PTPN3: variants seen among roughly 807,000 people sequenced by gnomAD.
PTPN3 encodes the protein tyrosine-protein phosphatase non-receptor type 3.
PTPN3 carries 96 observed loss-of-function variants against 132.7 expected under a neutral mutation model. The ratio of observed to expected loss-of-function variants is 0.72; its 90% CI spans 0.61 to 0.86. The LOEUF (loss-of-function observed/expected upper bound fraction) is 0.86. Among genes scored for constraint, PTPN3 ranks in the 40% least tolerant of loss-of-function variants. The probability of loss-of-function intolerance (pLI) is 0.00; values close to 1 mark genes in which losing one functional copy is unlikely to be tolerated. For synonymous variants in PTPN3, 398 were observed against 429.0 expected, an observed-to-expected ratio of 0.93 and a Z score of 0.89; for missense variants, 1,125 against 1,159.6, an observed-to-expected ratio of 0.97 and a Z score of 0.43.
At chr9:109,467,322 G>A (rs1424557705) in intron 1 of PTPN3, among the ~76,000 whole-genome samples, 2 of 151,832 alleles carry the variant, frequency 1.3e-5, no homozygotes, top group African/African-American at 4.8e-5. Context: ...TTAGTGGGAG[G>A]TGCACATCAG....
At chr9:109,534,165 G>T in the PTPN3 span, 1 of 888,298 alleles carries the variant, frequency 1.1e-6, no homozygotes. Flanking sequence ...CCTTCGTTGC[G>T]ATGACCTTCT....
At chr9:109,453,190 C>G (rs775343905) in intron 5 of PTPN3, among the ~76,000 whole-genome samples, 1 of 152,130 alleles carries the variant, frequency 6.6e-6, no homozygotes, top group Non-Finnish European at 1.5e-5. Flanking sequence ...AATACAGTAA[C>G]AGATTAATAT....
intron 22 of PTPN3, among the ~76,000 whole-genome samples, chr9:109,384,898 GTTAGTAGCCAT>G (rs1446127274): frequency 6.6e-6 from 1 of 152,172 alleles, no homozygotes; most frequent in Non-Finnish European, 1.5e-5. Flanking sequence ...GGTAATTTTG[GTTAGTAGCCAT>G]TCTGTGACTT....
intron 2 of PTPN3, among the ~76,000 whole-genome samples, chr9:109,461,260 G>A (rs943294717): frequency 6.6e-6 from 1 of 152,060 alleles, no homozygotes; most frequent in African/African-American, 2.4e-5. Flanking sequence ...AGACAACTCG[G>A]GGAGCCATTA....
the PTPN3 span, among the ~76,000 whole-genome samples, chr9:109,518,340 G>T: frequency 8.1e-4 from 124 of 152,330 alleles, no homozygotes; most frequent in Non-Finnish European, 1.5e-3. Flanking sequence ...CTCCTGCAGA[G>T]TTCACAGCTT....
At chr9:109,438,928 T>A (rs1316597185) in intron 7 of PTPN3, among the ~76,000 whole-genome samples, 3 of 152,186 alleles carry the variant, frequency 2.0e-5, no homozygotes, top group Non-Finnish European at 2.9e-5. Context: ...ATTCTGGGGC[T>A]ATCAGGGGAA....
chr9:109,431,264 T>C (rs1414975564), intron 10 of PTPN3, among the ~76,000 whole-genome samples: 1 of 152,216 alleles, frequency 6.6e-6, no homozygotes, highest in African/African-American at 2.4e-5. Flanking sequence ...CACTTCTCTC[T>C]CCTGCAGTGA....
chr9:109,416,100 C>A (rs910299275), intron 14 of PTPN3, among the ~76,000 whole-genome samples: 1 of 152,068 alleles, frequency 6.6e-6, no homozygotes, highest in South Asian at 2.1e-4. Flanking sequence ...ATGGTGGTTA[C>A]GAGGGTGATG....
chr9:109,447,960 C>T (rs1844972508), intron 6 of PTPN3, among the ~76,000 whole-genome samples: 1 of 152,130 alleles, frequency 6.6e-6, no homozygotes. Context: ...GGTGTCTTCT[C>T]ACTGCCCAGG....
intron 15 of PTPN3, 36 bp downstream of exon 15, chr9:109,410,193 G>A: frequency 6.2e-7 from 1 of 1,611,756 alleles, no homozygotes; most frequent in Non-Finnish European, 8.5e-7. Flanking sequence ...GGAAGCCCTG[G>A]GTGTGTGGAT....
chr9:109,496,351 CTTGA>C (rs1847667765), intron 1 of PTPN3, among the ~76,000 whole-genome samples: 1 of 152,220 alleles, frequency 6.6e-6, no homozygotes, highest in Non-Finnish European at 1.5e-5. Context: ...TACTTCACAT[CTTGA>C]TTTAATCATC....
At chr9:109,474,934 T>G (rs1235668282) in intron 1 of PTPN3, among the ~76,000 whole-genome samples, 1 of 152,194 alleles carries the variant, frequency 6.6e-6, no homozygotes, top group Non-Finnish European at 1.5e-5. Flanking sequence ...TCCCTAAGGT[T>G]GTTTTAATCA....
At chr9:109,410,550 G>T in intron 14 of PTPN3, 135 bp from the exon 15 acceptor site, 1 of 982,824 alleles carries the variant, frequency 1.0e-6, no homozygotes, top group Non-Finnish European at 1.5e-6. Context: ...TTGTCAGCGG[G>T]ATTTGAGTAC....
In PTPN3 at chr9:109,406,588, C is replaced by T. The variant is rs760397382; in HGVS notation, c.1666G>A (p.Gly556Arg). 3 of 1,614,002 alleles carry T rather than the reference C, an allele frequency of 1.9e-6. No homozygotes were observed. Among genetic ancestry groups the T allele is most frequent in the Admixed American group, 3.3e-5 (2 of 60,010 alleles). Residue 556 changes from glycine to arginine, a missense_variant, in exon 18 of 26, where the codon GGG becomes AGG. Coordinates refer to ENST00000374541, the MANE Select transcript of PTPN3 (RefSeq NM_002829.4). Reference protein sequence around the residue: ...ADTCIPKLNEGDQIVLINGRD... With the variant: ...ADTCIPKLNERDQIVLINGRD... Reference sequence around the variant, plus strand: ...CCATTGATTAACACGATTTGATCCCCTTCGTTCAGCTTAGGAATGCAGGTG... The same window carrying T: ...CCATTGATTAACACGATTTGATCCCTTTCGTTCAGCTTAGGAATGCAGGTG...
At chr9:109,408,792 A>T (rs868141512) in intron 16 of PTPN3, among the ~76,000 whole-genome samples, 6,285 of 62,024 alleles carry the variant, frequency 0.1, 251 homozygotes, top group South Asian at 0.17. Flanking sequence ...AAAAAAAAAA[A>T]AAAAATATAT....
intron 1 of PTPN3, 78 bp from the exon 2 acceptor site, chr9:109,463,529 C>T (rs1017457624): frequency 4.5e-6 from 6 of 1,331,432 alleles, no homozygotes; most frequent in Admixed American, 4.4e-5. Context: ...CCTGTCAGAT[C>T]CCATCCTCTC....
At chr9:109,438,273 T>A (rs1362387419) in intron 7 of PTPN3, 39 bp from the exon 8 acceptor site, 1 of 1,590,770 alleles carries the variant, frequency 6.3e-7, no homozygotes, top group East Asian at 2.2e-5. Context: ...TAATTAGTTT[T>A]GCCTTTTTAA....
At chr9:109,399,146 G>A (rs557535796) in intron 19 of PTPN3, among the ~76,000 whole-genome samples, 2 of 152,148 alleles carry the variant, frequency 1.3e-5, no homozygotes, top group Non-Finnish European at 2.9e-5. Flanking sequence ...GCGAGTTGCC[G>A]ACAATAAGTT....
chr9:109,406,671 G>A (rs1841594645), intron 17 of PTPN3, 53 bp from the exon 18 acceptor site: 1 of 1,598,018 alleles, frequency 6.3e-7, no homozygotes, highest in African/African-American at 1.3e-5. Flanking sequence ...CAGTCCTTGG[G>A]GGAAGAACGC....
Sources: allele counts gnomAD v4.1 joint callset (sites outside exome capture counted in the v4.1 genomes callset), GRCh38; gene constraint gnomAD v4.1.1; transcripts MANE v1.5; gene names NCBI Gene and HGNC (gene_info 2026-07-23, HGNC 2026-07-21).